The following MAP3K1 variants were observed in gnomAD, a reference collection of about 807,000 sequenced individuals.
MAP3K1 encodes the protein MAP/ERK kinase kinase 1.
Under a neutral mutation model 144.2 loss-of-function variants are expected in MAP3K1, and 36 were observed. The ratio of observed to expected loss-of-function variants is 0.25; its 90% CI spans 0.19 to 0.33. The LOEUF is 0.33. MAP3K1 is among the 10% of genes least tolerant of loss of function. MAP3K1 has a pLI of 1.00. For missense variants in MAP3K1, 1,650 were observed against 1,881.9 expected (o/e 0.88, Z 2.28); for synonymous variants, 718 against 688.7 (o/e 1.04, Z -0.67).
In MAP3K1 at chr5:56,815,559, A is replaced by T; in HGVS notation, c.-15A>T. 6 of 1,295,008 alleles carry T rather than the reference A, an allele frequency of 4.6e-6. No homozygotes were observed. The highest frequency in any genetic ancestry group is 1.5e-5 in the African/African-American group (1 of 64,648). The allele number at this position is 1,295,008 out of a possible 1,614,324, so 80.2% of individuals were successfully genotyped here. ...TCCCTCGCAGGGGCCGAGCGAATGT[A>T]GCCCGCGAGAGAAAATGGCGGCGGC... On this transcript the variant is annotated 5_prime_UTR_variant, in exon 1 of 20. It removes the in-frame stop codon of an upstream open reading frame in the 5' UTR. Coordinates refer to ENST00000399503, the MANE Select transcript of MAP3K1 (RefSeq NM_005921.2).
At chr5:56,863,394 G>A (rs1381772206) in intron 3 of MAP3K1, among the ~76,000 whole-genome samples, 1 of 152,120 alleles carries the variant, frequency 6.6e-6, no homozygotes, top group Non-Finnish European at 1.5e-5. Context: ...ATATAAATGG[G>A]ATCACTTAAT....
rs1158812614 is a variant in MAP3K1 at position 56,883,739 on chromosome 5, G to C, written c.3819+60G>C. On this transcript the variant is annotated intron_variant, in intron 15 of 19. Coordinates refer to ENST00000399503, the MANE Select transcript of MAP3K1 (RefSeq NM_005921.2). ...CAAATCACAAAATGAAGCATGTTCA[G>C]TAAAAAGAATAAAGGATATGTCCAC... 10 of 1,559,270 alleles carry C rather than the reference G, an allele frequency of 6.4e-6. No individual in the cohort carries two copies. In the African/African-American group the frequency reaches 1.1e-4, roughly 17 times the overall value.
Position 56,857,173 on chromosome 5 carries a change from A to T in MAP3K1, c.633+423A>T, listed in dbSNP as rs547701459. On this transcript the variant is annotated intron_variant, in intron 2 of 19. Transcript: ENST00000399503. Reference sequence around the variant, plus strand: ...ATTGCAGTAATTCATAAGTGTAATGATTGGGTTTTCACATGCATGCATAAG... The same window carrying T: ...ATTGCAGTAATTCATAAGTGTAATGTTTGGGTTTTCACATGCATGCATAAG... Among the ~76,000 whole-genome samples the T allele has an allele frequency of 1.5e-4, 23 of 152,308 alleles. No individual in the cohort carries two copies. In the South Asian group the frequency reaches 2.3e-3, roughly 15 times the overall value.
chr5:56,884,691 G>A lies in MAP3K1; in HGVS notation c.3847G>A (p.Glu1283Lys). ...GACTTATGTCAGAAACACATCTTCT[G>A]AGCAAGAAGAAGTAGTAGAAGCACT... ...QVTYVRNTSSEQEEVVEALRE... is the reference protein window; with the variant it reads ...QVTYVRNTSSKQEEVVEALRE... The change falls in exon 16 of 20, where the codon GAG (glutamate) becomes AAG (lysine). Residue 1283 changes from glutamate to lysine, a missense_variant. Transcript: ENST00000399503. The A allele has an allele frequency of 6.2e-7, 1 of 1,613,768 alleles. No homozygotes were observed. Among genetic ancestry groups the A allele is most frequent in the Non-Finnish European group, 8.5e-7 (1 of 1,179,836 alleles).
In MAP3K1 at chr5:56,868,344, CA is replaced by C. The variant is rs559132693; in HGVS notation, c.1301+2376del. ...CTATGCTAAAAAAAATCTGAAACGTCAAAAAAAAATGAGTACAAAGATGTTT... is the reference window on the plus strand; with the variant it reads ...CTATGCTAAAAAAAATCTGAAACGTCAAAAAAAATGAGTACAAAGATGTTT... On this transcript the variant is annotated intron_variant, in intron 6 of 19. Coordinates refer to ENST00000399503, the MANE Select transcript of MAP3K1 (RefSeq NM_005921.2). Among the ~76,000 whole-genome samples the C allele has an allele frequency of 3.3e-5, 5 of 149,934 alleles. No individual in the cohort carries two copies. The South Asian group carries it at 8.5e-4, about 25-fold the overall frequency.
At chr5:56,818,305 A>G (rs891444350) in intron 1 of MAP3K1, among the ~76,000 whole-genome samples, 82 of 151,914 alleles carry the variant, frequency 5.4e-4, no homozygotes, top group Non-Finnish European at 9.9e-4. Context: ...AAGTTTTAGG[A>G]AAAAAAACCC....
chr5:56,864,441 A>G (rs1320651363), intron 3 of MAP3K1, among the ~76,000 whole-genome samples: 5 of 150,720 alleles, frequency 3.3e-5, no homozygotes, highest in Admixed American at 1.3e-4. Context: ...GCAGTGGCAC[A>G]ATCTCGGCTT....
chr5:56,815,987 C>T lies in MAP3K1; in HGVS notation c.414C>T (p.Pro138=). 1.6e-6 allele frequency: 2 copies of T among 1,247,928 alleles called. No individual in the cohort carries two copies. The highest frequency in any genetic ancestry group is 2.0e-6 in the Non-Finnish European group (2 of 997,600). 77.3% of individuals were successfully genotyped at this position (1,247,928 alleles called of 1,614,324 possible). A position where few individuals can be genotyped will look rare whatever the true frequency, so the allele number is the denominator to read the frequency against. The part of the protein sequence containing the change: ...VAAPDSGASS[P]AAAEPGEKRA... ...CGCCGGACAGCGGCGCCTCGAGTCC[C>T]GCAGCGGCCGAGCCCGGGGAGAAGC... is the stretch of plus-strand genomic sequence containing the variant. The change falls in exon 1 of 20, where the codon CCC becomes CCT. Residue 138 remains proline, a synonymous_variant. Transcript: ENST00000399503.
intron 1 of MAP3K1, among the ~76,000 whole-genome samples, chr5:56,818,363 C>G (rs542053595): frequency 1.3e-5 from 2 of 151,594 alleles, no homozygotes; most frequent in African/African-American, 4.8e-5. Context: ...TTATGTTTTA[C>G]TTTTTTTTGA....
At chr5:56,824,088 A>G (rs724222) in intron 1 of MAP3K1, among the ~76,000 whole-genome samples, 1 of 152,208 alleles carries the variant, frequency 6.6e-6, no homozygotes, top group Non-Finnish European at 1.5e-5. Flanking sequence ...TCAACTTGGG[A>G]TAAATAAAAG....
intron 6 of MAP3K1, among the ~76,000 whole-genome samples, chr5:56,870,622 C>A (rs576140858): frequency 2.6e-5 from 4 of 152,282 alleles, no homozygotes; most frequent in Admixed American, 2.6e-4. Flanking sequence ...TAAACAAATA[C>A]AAAGTCATGC....
chr5:56,875,752 TAA>T (rs1268689188), intron 10 of MAP3K1, among the ~76,000 whole-genome samples: 2 of 152,276 alleles, frequency 1.3e-5, no homozygotes, highest in South Asian at 4.1e-4. Flanking sequence ...ACAAGCTTGC[TAA>T]TTTTTAAAGA....
chr5:56,889,836 A>G lies in MAP3K1; in HGVS notation c.4389+1479A>G, dbSNP rs910239477. ...CCTTAGTCAAGCACTCAGCCCACACAGTCAGCTCCACCTGCCATAACCTCC... is the reference window on the plus strand; with the variant it reads ...CCTTAGTCAAGCACTCAGCCCACACGGTCAGCTCCACCTGCCATAACCTCC... On this transcript the variant is annotated intron_variant, in intron 19 of 19. Coordinates refer to ENST00000399503, the MANE Select transcript of MAP3K1 (RefSeq NM_005921.2). Among the ~76,000 whole-genome samples the G allele has an allele frequency of 4.6e-5, 7 of 152,162 alleles. No individual in the cohort carries two copies. In the East Asian group the frequency reaches 1.2e-3, roughly 25 times the overall value.
At chr5:56,859,238 C>T (rs1747429706) in intron 2 of MAP3K1, among the ~76,000 whole-genome samples, 3 of 151,796 alleles carry the variant, frequency 2.0e-5, no homozygotes, top group African/African-American at 4.8e-5. Flanking sequence ...GCATAGTGAT[C>T]AAACTATTTG....
chr5:56,882,880 C>A lies in MAP3K1; in HGVS notation c.3666+14C>A, dbSNP rs369700197. ...ATTCAACAGGATGTAAGTATAGATT[C>A]TTTAAGAGGTTAGAAAACTTCCTTG... On this transcript the variant is annotated intron_variant, in intron 14 of 19. Transcript: ENST00000399503. 7 of 1,596,902 alleles carry A rather than the reference C, an allele frequency of 4.4e-6. No individual in the cohort carries two copies. Among genetic ancestry groups the A allele is most frequent in the Non-Finnish European group, 5.1e-6 (6 of 1,172,994 alleles).
Position 56,896,138 on chromosome 5 carries a change from A to G in MAP3K1, c.*2458A>G, listed in dbSNP as rs1748696095. The G allele has an allele frequency of 4.5e-6, 1 of 222,304 alleles. No homozygotes were observed. Among genetic ancestry groups the G allele is most frequent in the East Asian group, 6.7e-5 (1 of 14,980 alleles). The allele number at this position is 222,304 out of a possible 1,614,324, so 13.8% of individuals were successfully genotyped here. A position where few individuals can be genotyped will look rare whatever the true frequency, so the allele number is the denominator to read the frequency against. ...GTGTTTTTGTCTTTATAGTAAATAA[A>G]AGTTTTTGAACAAATGTTGTTACTT... On this transcript the variant is annotated 3_prime_UTR_variant, in exon 20 of 20. Transcript: ENST00000399503.
intron 1 of MAP3K1, among the ~76,000 whole-genome samples, chr5:56,845,917 C>G (rs1226078164): frequency 6.6e-6 from 1 of 152,124 alleles, no homozygotes; most frequent in East Asian, 1.9e-4. Flanking sequence ...CATAGTTTAC[C>G]TTAAGCCTGA....
At chr5:56,864,235 C>G (rs569668212) in intron 3 of MAP3K1, among the ~76,000 whole-genome samples, 1 of 152,262 alleles carries the variant, frequency 6.6e-6, no homozygotes, top group Non-Finnish European at 1.5e-5. Context: ...ATGGGGATGA[C>G]TGAGATTTTA....
chr5:56,888,430 A>G lies in MAP3K1; in HGVS notation c.4389+73A>G, dbSNP rs1271080528. 41 of 1,318,330 alleles carry G rather than the reference A, an allele frequency of 3.1e-5. 1 individual carries two copies. The highest frequency in any genetic ancestry group is 3.0e-5 in the Non-Finnish European group (28 of 919,144). The allele number at this position is 1,318,330 out of a possible 1,614,324, so 81.7% of individuals were successfully genotyped here. A position where few individuals can be genotyped will look rare whatever the true frequency, so the allele number is the denominator to read the frequency against. The stretch of plus-strand genomic sequence containing the variant: ...AGAATTTGGCAGGAGGCAAATTTTG[A>G]TGGGTTCTCCCTAACAATCTAGCAT... On this transcript the variant is annotated intron_variant, in intron 19 of 19. Coordinates refer to ENST00000399503, the MANE Select transcript of MAP3K1 (RefSeq NM_005921.2).
Sources: gnomAD v4.1 joint callset for allele counts (sites outside exome capture counted in the v4.1 genomes callset) on GRCh38, gnomAD v4.1.1 for gene constraint, MANE v1.5 for transcripts, NCBI Gene and HGNC (gene_info 2026-07-23, HGNC 2026-07-21) for gene names.